LMO4: variants seen among roughly 807,000 people sequenced by gnomAD.
LMO4 encodes LIM domain transcription factor LMO4.
A neutral mutation model predicts 18.5 loss-of-function variants in LMO4; 3 were observed. The ratio of observed to expected loss-of-function variants is 0.16; its 90% CI spans 0.07 to 0.42. LMO4 has a LOEUF of 0.42. Among genes scored for constraint, LMO4 ranks in the 10% least tolerant of loss-of-function variants. The pLI is 0.99. For missense variants in LMO4, 121 were observed against 219.9 expected (o/e 0.55, Z 2.84); for synonymous variants, 100 against 88.1 (o/e 1.14, Z -0.76).
In LMO4 at chr1:87,343,231, G is replaced by A. The variant is rs533494928; in HGVS notation, c.490-1557G>A. Among the ~76,000 whole-genome samples the A allele has an allele frequency of 5.9e-5, 9 of 152,238 alleles. No individual in the cohort carries two copies. In the South Asian group the frequency reaches 1.7e-3, roughly 28 times the overall value. Reference sequence around the variant, plus strand: ...GTCTGGGCTGTGTAGTGTAGTTGTTGTTCTGCATCATTGGCTGTTGTATAT... The same window carrying A: ...GTCTGGGCTGTGTAGTGTAGTTGTTATTCTGCATCATTGGCTGTTGTATAT... On this transcript the variant is annotated intron_variant, in intron 4 of 4. Transcript: ENST00000370544.
chr1:87,348,870 CAG>C lies in LMO4; in HGVS notation c.*4075_*4076del. 2.2e-6 allele frequency: 1 copy of C among 451,064 alleles called. No individual in the cohort carries two copies. 27.9% of individuals were successfully genotyped at this position (451,064 alleles called of 1,614,324 possible). ...CCCTGACATGTTACAGCTGTGTAAA[CAG>C]GGCCATTCTATTTCCTAAATCACAA... is the stretch of plus-strand genomic sequence containing the variant. On this transcript the variant is annotated 3_prime_UTR_variant, in exon 5 of 5. Coordinates refer to ENST00000370544, the MANE Select transcript of LMO4 (RefSeq NM_006769.4).
At chr1:87,331,874 C>A (rs1650164143) in intron 1 of LMO4, 139 bp from the exon 2 acceptor site, 2 of 666,506 alleles carry the variant, frequency 3.0e-6, no homozygotes, top group African/African-American at 3.6e-5. Flanking sequence ...CAGCCTCCTT[C>A]CCGCCCTTGC....
rs1301670199 is a variant in LMO4, at chr1:87,340,047, T to C, written c.334T>C (p.Cys112Arg). Reference sequence around the variant, plus strand: ...CAGTGGGTTTGTTTTTCCCTTTCAGTGTTTTACATGCTCTACCTGCCGGAA... The same window carrying C: ...CAGTGGGTTTGTTTTTCCCTTTCAGCGTTTTACATGCTCTACCTGCCGGAA... ...RAQGNVYHLK[C>R]FTCSTCRNRL... The change falls in exon 4 of 5, where the codon TGT (cysteine) becomes CGT (arginine). Residue 112 changes from cysteine (C) to arginine (R), a missense_variant and splice_region_variant. By Grantham distance (180) the Cys-to-Arg change is radical (BLOSUM62 -3). This residue lies in a region of LMO4 where 62 missense variants were observed against 128.8 expected (regional missense o/e 0.48). Coordinates refer to ENST00000370544, the MANE Select transcript of LMO4 (RefSeq NM_006769.4). The C allele has an allele frequency of 6.2e-7, 1 of 1,609,350 alleles. No homozygotes were observed.
At chr1:87,334,238 G>A (rs1650233775) in intron 2 of LMO4, among the ~76,000 whole-genome samples, 1 of 152,148 alleles carries the variant, frequency 6.6e-6, no homozygotes, top group Non-Finnish European at 1.5e-5. Flanking sequence ...GCTCGCTCTT[G>A]AACTACATGC....
intron 3 of LMO4, 62 bp downstream of exon 3, chr1:87,339,694 G>C: frequency 9.6e-7 from 1 of 1,036,512 alleles, no homozygotes; most frequent in East Asian, 2.6e-5. Flanking sequence ...ACCTACATGG[G>C]GGCAAAGCAT....
At chr1:87,338,438 T>C (rs997940456) in intron 2 of LMO4, among the ~76,000 whole-genome samples, 2 of 152,238 alleles carry the variant, frequency 1.3e-5, no homozygotes, top group African/African-American at 4.8e-5. Context: ...GCTTACTTGT[T>C]CCGACACCAC....
rs1650668447 is a variant in LMO4, at chr1:87,347,472, T to C, written c.*2676T>C. The C allele has an allele frequency of 1.3e-5, 2 of 151,966 alleles. No individual in the cohort carries two copies. The highest frequency in any genetic ancestry group is 3.9e-4 in the East Asian group (2 of 5,182). The allele number at this position is 151,966 out of a possible 1,614,324, so 9.4% of individuals were successfully genotyped here. A position where few individuals can be genotyped will look rare whatever the true frequency, so the allele number is the denominator to read the frequency against. On this transcript the variant is annotated 3_prime_UTR_variant, in exon 5 of 5. Transcript: ENST00000370544. ...CAACATTGCTTAGGAAAAAAAAAAA[T>C]CTATGAGTTTATTCCACCTTTCATC... is the stretch of plus-strand genomic sequence containing the variant.
Position 87,348,354 on chromosome 1 carries a change from G to C in LMO4, c.*3558G>C. On this transcript the variant is annotated 3_prime_UTR_variant, in exon 5 of 5. Coordinates refer to ENST00000370544, the MANE Select transcript of LMO4 (RefSeq NM_006769.4). ...GCCATTGGAAAAAGGCCATTTACAAGTTAATGTTACTTATAGCTTTGTTAC... is the reference window on the plus strand; with the variant it reads ...GCCATTGGAAAAAGGCCATTTACAACTTAATGTTACTTATAGCTTTGTTAC... The C allele has an allele frequency of 4.4e-6, 1 of 228,066 alleles. No homozygotes were observed. Among genetic ancestry groups the C allele is most frequent in the Non-Finnish European group, 9.0e-6 (1 of 110,796 alleles). 14.1% of individuals were successfully genotyped at this position (228,066 alleles called of 1,614,324 possible).
chr1:87,339,649 T>G lies in LMO4; in HGVS notation c.333+17T>G. On this transcript the variant is annotated intron_variant, in intron 3 of 4. Transcript: ENST00000370544. ...CATCTTAAGGTAGTATTTGCATCTC[T>G]CTTTTTTTTTTAAAAAAAAAATCAT... 3 of 1,491,312 alleles carry G rather than the reference T, an allele frequency of 2.0e-6. No homozygotes were observed. Among genetic ancestry groups the G allele is most frequent in the South Asian group, 2.4e-5 (2 of 84,732 alleles). The allele number at this position is 1,491,312 out of a possible 1,614,324, so 92.4% of individuals were successfully genotyped here.
Position 87,334,146 on chromosome 1 carries a change from G to A in LMO4, c.236+1895G>A, listed in dbSNP as rs141960260. On this transcript the variant is annotated intron_variant, in intron 2 of 4. Transcript: ENST00000370544. ...GTGCCCTAATGGAGCAATGGAGGAT[G>A]TGTGCCCAGCCCTGAGCCTTAATTA... 5.9e-5 allele frequency among the ~76,000 whole-genome samples: 9 copies of A among 152,280 alleles called. No individual in the cohort carries two copies. The East Asian group carries it at 1.7e-3, about 29-fold the overall frequency.
At chr1:87,331,789 T>G (rs1650156989) in intron 1 of LMO4, 2 of 558,332 alleles carry the variant, frequency 3.6e-6, no homozygotes, top group East Asian at 5.9e-5. Flanking sequence ...GAGGAGCTCG[T>G]GGCCCCAGAA....
chr1:87,338,285 C>T (rs1483225904), intron 2 of LMO4, among the ~76,000 whole-genome samples: 1 of 152,148 alleles, frequency 6.6e-6, no homozygotes, highest in Non-Finnish European at 1.5e-5. Flanking sequence ...GAATATGTCT[C>T]CTGGTTTGAC....
chr1:87,343,725 G>A (rs1411814115), intron 4 of LMO4, among the ~76,000 whole-genome samples: 2 of 152,132 alleles, frequency 1.3e-5, no homozygotes, highest in Non-Finnish European at 2.9e-5. Flanking sequence ...CTGCATCTTT[G>A]TTCTGGACAG....
chr1:87,336,932 C>G (rs1348636210), intron 2 of LMO4, among the ~76,000 whole-genome samples: 1 of 152,098 alleles, frequency 6.6e-6, no homozygotes, highest in African/African-American at 2.4e-5. Context: ...GACAGTCCCC[C>G]TGGTTAGATA....
chr1:87,331,762 A>T (rs1283528518), intron 1 of LMO4: 12 of 505,084 alleles, frequency 2.4e-5, no homozygotes, highest in East Asian at 6.4e-5. Flanking sequence ...CAGCGGCGGC[A>T]AGCGCAGGAA....
At chr1:87,341,991 A>G (rs1035161143) in intron 4 of LMO4, among the ~76,000 whole-genome samples, 2 of 152,232 alleles carry the variant, frequency 1.3e-5, no homozygotes, top group Non-Finnish European at 2.9e-5. Context: ...CTTGGTAGCA[A>G]AAAAGAAAAA....
intron 2 of LMO4, among the ~76,000 whole-genome samples, chr1:87,333,647 C>A (rs1469378588): frequency 1.3e-5 from 2 of 152,150 alleles, no homozygotes; most frequent in African/African-American, 2.4e-5. Flanking sequence ...CTGGCATCCT[C>A]AATCAGTCCA....
intron 1 of LMO4, 75 bp from the exon 2 acceptor site, chr1:87,331,938 C>T (rs920927419): frequency 6.9e-5 from 85 of 1,228,196 alleles, no homozygotes; most frequent in Non-Finnish European, 9.3e-5. Context: ...GGCTTGCTCT[C>T]TCTCCGGCGA....
In LMO4 at chr1:87,348,409, G is replaced by A. The variant is rs1449893356; in HGVS notation, c.*3613G>A. Reference sequence around the variant, plus strand: ...ACTCACCTATTGTTAGTGCAGCCAAGTCACAGAAGTGCTTATTGCAGTTAA... The same window carrying A: ...ACTCACCTATTGTTAGTGCAGCCAAATCACAGAAGTGCTTATTGCAGTTAA... On this transcript the variant is annotated 3_prime_UTR_variant, in exon 5 of 5. Coordinates refer to ENST00000370544, the MANE Select transcript of LMO4 (RefSeq NM_006769.4). 3.5e-6 allele frequency: 1 copy of A among 288,316 alleles called. No homozygotes were observed. The highest frequency in any genetic ancestry group is 4.1e-5 in the Admixed American group (1 of 24,136). The allele number at this position is 288,316 out of a possible 1,614,324, so 17.9% of individuals were successfully genotyped here.
Sources: allele counts gnomAD v4.1 joint callset (sites outside exome capture counted in the v4.1 genomes callset), GRCh38; gene constraint gnomAD v4.1.1; regional missense constraint gnomAD v4.1.1; transcripts MANE v1.5; gene names NCBI Gene and HGNC (gene_info 2026-07-23, HGNC 2026-07-21).